Variants in VPS13C observed in about 807,000 individuals in gnomAD.
VPS13C encodes intermembrane lipid transfer protein VPS13C.
A neutral mutation model predicts 456.8 loss-of-function variants in VPS13C; 358 were observed. The observed-to-expected ratio is 0.78, with a 90% CI of 0.72 to 0.86. The LOEUF (loss-of-function observed/expected upper bound fraction) is 0.86. VPS13C is among the 40% of genes least tolerant of loss of function. The pLI is 0.00. For synonymous variants in VPS13C, 1,578 were observed against 1,486.7 expected (o/e 1.06, Z -1.41); for missense variants, 4,818 against 4,385.4 (o/e 1.10, Z -2.79).
At chr15:61,872,178 T>C (rs998307080) in intron 78 of VPS13C, 144 bp from the exon 79 acceptor site, 2 of 605,182 alleles carry the variant, frequency 3.3e-6, no homozygotes, top group Non-Finnish European at 5.7e-6. Flanking sequence ...GTGAACAACA[T>C]ACACATATAA....
At chr15:62,038,792 C>T (rs979964765) in intron 3 of VPS13C, among the ~76,000 whole-genome samples, 2 of 151,944 alleles carry the variant, frequency 1.3e-5, no homozygotes, top group Non-Finnish European at 2.9e-5. Flanking sequence ...CAGCAAAGTA[C>T]ATAAACAAAC....
At chr15:61,917,096 G>A (rs1470697585) in intron 60 of VPS13C, among the ~76,000 whole-genome samples, 1 of 152,102 alleles carries the variant, frequency 6.6e-6, no homozygotes, top group African/African-American at 2.4e-5. Context: ...AAATGGGCCT[G>A]ATAATAGTAC....
chr15:62,018,302 G>A lies in VPS13C; in HGVS notation c.684+2177C>T, dbSNP rs2047333588. Among the ~76,000 whole-genome samples the A allele has an allele frequency of 2.6e-5, 4 of 151,938 alleles. No homozygotes were observed. The South Asian group carries it at 6.2e-4, about 24-fold the overall frequency. On this transcript the variant is annotated intron_variant, in intron 9 of 84. Coordinates refer to ENST00000644861, the MANE Select transcript of VPS13C (RefSeq NM_020821.3). ...TTTCTTTCTCCTGCTTGACTGCCCT[G>A]GCCAGAACTTCCAACACTATGTGGA...
intron 15 of VPS13C, 76 bp downstream of exon 15, chr15:62,007,230 TGA>T: frequency 9.2e-7 from 1 of 1,092,672 alleles, no homozygotes; most frequent in Admixed American, 3.6e-5. Flanking sequence ...AATTATTTTT[TGA>T]TTCAAATTAC....
intron 9 of VPS13C, 95 bp downstream of exon 9, chr15:62,020,384 T>G: frequency 2.9e-6 from 3 of 1,033,422 alleles, no homozygotes; most frequent in Non-Finnish European, 2.7e-6. Context: ...AAATCATAGT[T>G]CTTTGTCGCA....
chr15:61,956,572 AG>A (rs1193169781), intron 37 of VPS13C, among the ~76,000 whole-genome samples: 1 of 152,134 alleles, frequency 6.6e-6, no homozygotes, highest in Non-Finnish European at 1.5e-5. Context: ...TAACCAACAA[AG>A]GGCTCATATT....
intron 3 of VPS13C, among the ~76,000 whole-genome samples, chr15:62,037,935 CAT>C (rs2048119541): frequency 6.6e-6 from 1 of 151,996 alleles, no homozygotes; most frequent in South Asian, 2.1e-4. Flanking sequence ...ACATATATGT[CAT>C]ATAAAATGAC....
intron 65 of VPS13C, among the ~76,000 whole-genome samples, chr15:61,907,817 A>C (rs2140136763): frequency 6.6e-6 from 1 of 152,282 alleles, no homozygotes; most frequent in South Asian, 2.1e-4. Flanking sequence ...TTCACAGGCA[A>C]GATCATATTG....
intron 48 of VPS13C, among the ~76,000 whole-genome samples, chr15:61,934,782 G>A (rs539432733): frequency 6.0e-4 from 91 of 152,044 alleles, no homozygotes; most frequent in African/African-American, 2.1e-3. Context: ...ACAGAGTCTC[G>A]CTGTGTTGCC....
intron 49 of VPS13C, among the ~76,000 whole-genome samples, chr15:61,932,396 A>C (rs1352510822): frequency 6.6e-6 from 1 of 152,152 alleles, no homozygotes; most frequent in African/African-American, 2.4e-5. Context: ...AACTAGAAAG[A>C]AATACAGAGG....
chr15:62,046,686 A>G (rs955720048), intron 1 of VPS13C, among the ~76,000 whole-genome samples: 8 of 152,236 alleles, frequency 5.3e-5, no homozygotes, highest in African/African-American at 1.9e-4. Context: ...TGAAGTCTTT[A>G]TAACAATTGT....
In VPS13C at chr15:61,878,550, TC is replaced by T. The variant is rs1454850155; in HGVS notation, c.10142+56del. The T allele has an allele frequency of 3.8e-6, 6 of 1,579,004 alleles. No homozygotes were observed. The African/African-American group carries it at 8.2e-5, about 22-fold the overall frequency. On this transcript the variant is annotated intron_variant, in intron 74 of 84. Transcript: ENST00000644861. The stretch of plus-strand genomic sequence containing the variant: ...ATTGCACAAGTGGAGAGAATTAATG[TC>T]TAGAAACATGACCTTGGTACACCTG...
At chr15:62,026,386 A>C (rs541814270) in intron 6 of VPS13C, among the ~76,000 whole-genome samples, 1 of 152,194 alleles carries the variant, frequency 6.6e-6, no homozygotes, top group South Asian at 2.1e-4. Flanking sequence ...ATCAAAAGTC[A>C]CATCTGTTAA....
intron 68 of VPS13C, among the ~76,000 whole-genome samples, chr15:61,883,839 ACTAT>A (rs1896060951): frequency 6.6e-6 from 1 of 152,072 alleles, no homozygotes; most frequent in South Asian, 2.1e-4. Flanking sequence ...GTTCCATAAG[ACTAT>A]CTGATTTGTA....
intron 16 of VPS13C, among the ~76,000 whole-genome samples, chr15:61,992,241 T>G (rs907629480): frequency 6.6e-6 from 1 of 152,206 alleles, no homozygotes; most frequent in African/African-American, 2.4e-5. Flanking sequence ...ACTAGGACAG[T>G]GGCAGAAGGA....
intron 9 of VPS13C, among the ~76,000 whole-genome samples, chr15:62,017,784 C>A (rs2047311570): frequency 6.6e-6 from 1 of 152,224 alleles, no homozygotes; most frequent in South Asian, 2.1e-4. Flanking sequence ...TTTTTGGTTC[C>A]ATACGAACTT....
intron 49 of VPS13C, among the ~76,000 whole-genome samples, chr15:61,932,394 A>T (rs570642508): frequency 6.6e-6 from 1 of 152,314 alleles, no homozygotes; most frequent in South Asian, 2.1e-4. Context: ...AAAACTAGAA[A>T]GAAATACAGA....
intron 9 of VPS13C, among the ~76,000 whole-genome samples, chr15:62,019,770 T>A (rs2047389389): frequency 6.6e-6 from 1 of 152,040 alleles, no homozygotes; most frequent in South Asian, 2.1e-4. Context: ...TTCTGTTGAT[T>A]TGGGGTGGAC....
At chr15:61,997,047 A>G (rs2046411922) in intron 16 of VPS13C, among the ~76,000 whole-genome samples, 2 of 151,474 alleles carry the variant, frequency 1.3e-5, no homozygotes, top group African/African-American at 4.9e-5. Flanking sequence ...CAAATAATCA[A>G]GAGTGCAAAA....
Sources: allele counts gnomAD v4.1 joint callset (sites outside exome capture counted in the v4.1 genomes callset), GRCh38; gene constraint gnomAD v4.1.1; transcripts MANE v1.5; gene names NCBI Gene and HGNC (gene_info 2026-07-23, HGNC 2026-07-21).